HS3ST4: variants seen among roughly 807,000 people sequenced by gnomAD.
The protein encoded by HS3ST4 is heparan sulfate-glucosamine 3-sulfotransferase 4.
In HS3ST4, 17 loss-of-function variants were observed where a neutral mutation model predicts 29.2. That is an observed-to-expected ratio of 0.58 (90% CI 0.40 to 0.87). HS3ST4 has a LOEUF of 0.87. Among genes scored for constraint, HS3ST4 ranks in the 40% least tolerant of loss-of-function variants. The probability of loss-of-function intolerance (pLI) is 0.00; values close to 1 mark genes in which losing one functional copy is unlikely to be tolerated. For missense variants in HS3ST4, 627 were observed against 634.5 expected, an observed-to-expected ratio of 0.99 and a Z score of 0.13; for synonymous variants, 314 against 285.7, an observed-to-expected ratio of 1.10 and a Z score of -1.00.
intron 1 of HS3ST4, among the ~76,000 whole-genome samples, chr16:26,094,209 A>T (rs2141791792): frequency 6.6e-6 from 1 of 152,294 alleles, no homozygotes; most frequent in East Asian, 1.9e-4. Flanking sequence ...TATCCAGGAG[A>T]ACTTGCCTAA....
chr16:25,724,784 C>G lies in HS3ST4; in HGVS notation c.734+31633C>G, dbSNP rs1966520598. Among the ~76,000 whole-genome samples the G allele has an allele frequency of 2.0e-5, 3 of 152,140 alleles. No individual in the cohort carries two copies. The South Asian group carries it at 6.2e-4, about 32-fold the overall frequency. On this transcript the variant is annotated intron_variant, in intron 1 of 1. Coordinates refer to ENST00000331351, the MANE Select transcript of HS3ST4 (RefSeq NM_006040.3). ...TTAAAGGAGGTCAGGTCACTGGCAACTTCGTTAACTCGTTGTGAATTAAAA... is the reference window on the plus strand; with the variant it reads ...TTAAAGGAGGTCAGGTCACTGGCAAGTTCGTTAACTCGTTGTGAATTAAAA...
intron 1 of HS3ST4, among the ~76,000 whole-genome samples, chr16:25,713,529 A>AAAAC (rs60981273): frequency 0.015 from 2,211 of 150,600 alleles, 36 homozygotes; most frequent in African/African-American, 0.037. Flanking sequence ...CCCTGTCTCA[A>AAAAC]AAACAAACAA....
At chr16:25,893,230 A>T (rs1360831437) in intron 1 of HS3ST4, among the ~76,000 whole-genome samples, 2 of 152,216 alleles carry the variant, frequency 1.3e-5, no homozygotes, top group East Asian at 3.8e-4. Flanking sequence ...GTCATGTGAG[A>T]ACTGCGAGAA....
At chr16:26,092,222 T>C (rs1231555662) in intron 1 of HS3ST4, among the ~76,000 whole-genome samples, 3 of 152,130 alleles carry the variant, frequency 2.0e-5, no homozygotes, top group African/African-American at 4.8e-5. Flanking sequence ...ACGTCTACAC[T>C]TCTCTGGGCA....
chr16:25,764,876 T>C (rs1448027960), intron 1 of HS3ST4, among the ~76,000 whole-genome samples: 1 of 152,268 alleles, frequency 6.6e-6, no homozygotes, highest in Non-Finnish European at 1.5e-5. Flanking sequence ...GTGCTGTGTG[T>C]GCATGAACTT....
intron 1 of HS3ST4, among the ~76,000 whole-genome samples, chr16:25,693,490 C>A (rs1966272532): frequency 6.6e-6 from 1 of 152,146 alleles, no homozygotes; most frequent in African/African-American, 2.4e-5. Context: ...CAGGCTCTTG[C>A]GGGGTTCTGG....
At chr16:25,817,393 G>A (rs1349323310) in intron 1 of HS3ST4, among the ~76,000 whole-genome samples, 1 of 152,136 alleles carries the variant, frequency 6.6e-6, no homozygotes, top group East Asian at 1.9e-4. Context: ...AGGTTTTGAG[G>A]GTCATACAAC....
intron 1 of HS3ST4, among the ~76,000 whole-genome samples, chr16:25,758,914 C>T (rs1966773031): frequency 6.6e-6 from 1 of 151,910 alleles, no homozygotes; most frequent in South Asian, 2.1e-4. Context: ...TGAGATCACA[C>T]CACTGCCTTG....
intron 1 of HS3ST4, among the ~76,000 whole-genome samples, chr16:26,096,589 C>T (rs140679050): frequency 0.066 from 10,097 of 152,180 alleles, 422 homozygotes; most frequent in Non-Finnish European, 0.094. Context: ...ATTGATAGAA[C>T]GTATCTCAAA....
chr16:26,023,858 C>A (rs1408042167), intron 1 of HS3ST4, among the ~76,000 whole-genome samples: 1 of 152,156 alleles, frequency 6.6e-6, no homozygotes, highest in Non-Finnish European at 1.5e-5. Context: ...GTTGTGTGAC[C>A]TCAAGAATTA....
intron 1 of HS3ST4, among the ~76,000 whole-genome samples, chr16:26,045,101 A>G: frequency 6.6e-6 from 1 of 152,090 alleles, no homozygotes; most frequent in East Asian, 1.9e-4. Flanking sequence ...TAAGAACACA[A>G]CTAGAGAGCC....
At chr16:25,862,539 C>T (rs961955843) in intron 1 of HS3ST4, among the ~76,000 whole-genome samples, 4 of 152,164 alleles carry the variant, frequency 2.6e-5, no homozygotes, top group African/African-American at 9.7e-5. Flanking sequence ...GGAGACGGAG[C>T]CCAGGCCAGT....
At position 25,692,643 on chromosome 16, in the gene HS3ST4, C is replaced by T. The variant is rs1248975107; in HGVS notation, c.226C>T (p.Pro76Ser). 1 of 1,361,354 alleles carries T rather than the reference C, an allele frequency of 7.3e-7. No homozygotes were observed. The highest frequency in any genetic ancestry group is 2.6e-5 in the Admixed American group (1 of 38,304). The allele number at this position is 1,361,354 out of a possible 1,614,324, so 84.3% of individuals were successfully genotyped here. ...QESPGAAAEP[P>S]PSPPPPSLLP... ...GTCGCCGGGCGCCGCCGCCGAGCCC[C>T]CGCCGAGCCCGCCGCCACCCTCTCT... The change falls in exon 1 of 2, where the codon CCG (proline) becomes TCG (serine). Residue 76 changes from proline (P) to serine (S), a missense_variant. Pro to Ser is a moderately conservative substitution (Grantham distance 74, BLOSUM62 -1). Around this residue, in one of 2 missense-constraint regions of HS3ST4, gnomAD observed 402 missense variants for 340.8 expected, o/e 1.18. Transcript: ENST00000331351.
At position 26,109,752 on chromosome 16, in the gene HS3ST4, T is replaced by A. The variant is rs1172535300; in HGVS notation, c.735-25860T>A. Among the ~76,000 whole-genome samples, 4 of 152,136 alleles carry A rather than the reference T, an allele frequency of 2.6e-5. No homozygotes were observed. The East Asian group carries it at 7.7e-4, about 29-fold the overall frequency. ...TTTTTCTGTTTTTAGACATTTATTTTTTTTCCCAGCTCTATTTAGGTGTCA... is the reference window on the plus strand; with the variant it reads ...TTTTTCTGTTTTTAGACATTTATTTATTTTCCCAGCTCTATTTAGGTGTCA... On this transcript the variant is annotated intron_variant, in intron 1 of 1. Transcript: ENST00000331351.
chr16:26,011,208 G>T (rs1202456529), intron 1 of HS3ST4, among the ~76,000 whole-genome samples: 1 of 152,170 alleles, frequency 6.6e-6, no homozygotes, highest in Non-Finnish European at 1.5e-5. Context: ...CATGAAATTA[G>T]AGAATAAAGA....
At chr16:25,707,574 G>T (rs57980431) in intron 1 of HS3ST4, among the ~76,000 whole-genome samples, 29,020 of 152,174 alleles carry the variant, frequency 0.19, 3,163 homozygotes, top group South Asian at 0.42. Flanking sequence ...GTATGAGAAG[G>T]ACTCAATCAC....
intron 1 of HS3ST4, among the ~76,000 whole-genome samples, chr16:26,025,900 C>T (rs890775352): frequency 6.6e-6 from 1 of 152,148 alleles, no homozygotes; most frequent in Non-Finnish European, 1.5e-5. Context: ...CTCAGCCTCC[C>T]AAGTAGCTGG....
chr16:25,816,042 TA>T (rs1967090104), intron 1 of HS3ST4, among the ~76,000 whole-genome samples: 1 of 152,204 alleles, frequency 6.6e-6, no homozygotes, highest in Non-Finnish European at 1.5e-5. Flanking sequence ...TGCTTGCTTT[TA>T]AAAATCTAAA....
intron 1 of HS3ST4, among the ~76,000 whole-genome samples, chr16:26,001,606 C>G (rs3923856): frequency 6.6e-6 from 1 of 152,032 alleles, no homozygotes; most frequent in Non-Finnish European, 1.5e-5. Flanking sequence ...AAAGACACTG[C>G]AATTAATATA....
Sources: allele counts gnomAD v4.1 joint callset (sites outside exome capture counted in the v4.1 genomes callset), GRCh38; gene constraint gnomAD v4.1.1; regional missense constraint gnomAD v4.1.1; transcripts MANE v1.5; gene names NCBI Gene and HGNC (gene_info 2026-07-23, HGNC 2026-07-21).